The following CACNA2D2 variants were observed in gnomAD, a reference collection of about 807,000 sequenced individuals.
CACNA2D2 encodes the protein voltage-dependent calcium channel subunit alpha-2/delta-2.
CACNA2D2 carries 48 observed loss-of-function variants against 166.4 expected under a neutral mutation model. That is an observed-to-expected ratio of 0.29 (90% CI 0.23 to 0.37). The LOEUF is 0.37. Among genes scored for constraint, CACNA2D2 ranks in the 10% least tolerant of loss-of-function variants. CACNA2D2 has a pLI of 1.00. For synonymous variants in CACNA2D2, 561 were observed against 573.7 expected (o/e 0.98, Z 0.32); for missense variants, 1,122 against 1,433.0 (o/e 0.78, Z 3.50).
chr3:50,394,541 C>T (rs1254693468), intron 3 of CACNA2D2, among the ~76,000 whole-genome samples: 3 of 152,252 alleles, frequency 2.0e-5, no homozygotes, highest in Admixed American at 6.5e-5. Flanking sequence ...TTACAAAGTG[C>T]TTCACCTTGC....
In CACNA2D2 at chr3:50,380,055, T is replaced by C. The variant is rs760750473; in HGVS notation, c.843-37A>G. 1.9e-6 allele frequency: 3 copies of C among 1,602,770 alleles called. No homozygotes were observed. The highest frequency in any genetic ancestry group is 2.6e-6 in the Non-Finnish European group (3 of 1,169,792). On this transcript the variant is annotated intron_variant, in intron 8 of 37. Transcript: ENST00000424201. This position sits in a 1 kb window ranked among gnomAD's most constrained non-coding sequence, Gnocchi z 4.9. The stretch of plus-strand genomic sequence containing the variant: ...ATGCCTCTGTTAGGGTAAGGCCCAC[T>C]GGGACCTTGTGGGTCCTTCCTTCCT...
In CACNA2D2 at chr3:50,364,525, A is replaced by C; in HGVS notation, c.*141T>G. The C allele has an allele frequency of 9.4e-7, 1 of 1,063,356 alleles. No homozygotes were observed. The highest frequency in any genetic ancestry group is 1.3e-6 in the Non-Finnish European group (1 of 762,138). 65.9% of individuals were successfully genotyped at this position (1,063,356 alleles called of 1,614,324 possible). On this transcript the variant is annotated 3_prime_UTR_variant, in exon 38 of 38. Transcript: ENST00000424201. The stretch of plus-strand genomic sequence containing the variant: ...TGGGACTCCCCATCCCAAGGCGCAG[A>C]CCAGACTCTCAGGGCCTGGCCAGCT...
intron 1 of CACNA2D2, among the ~76,000 whole-genome samples, chr3:50,480,178 C>T (rs1697985519): frequency 6.6e-6 from 1 of 152,184 alleles, no homozygotes; most frequent in Non-Finnish European, 1.5e-5. Context: ...CTTGTCCTGA[C>T]TCCATCTATT....
At chr3:50,475,226 G>C (rs1710257726) in intron 2 of CACNA2D2, among the ~76,000 whole-genome samples, 1 of 152,090 alleles carries the variant, frequency 6.6e-6, no homozygotes, top group South Asian at 2.1e-4. Context: ...TGACCAACAG[G>C]GACAACAGGA....
In CACNA2D2 at chr3:50,468,379, T is replaced by TTG. The variant is rs1559978358; in HGVS notation, c.288+7738_288+7739insCA. 9.0e-3 allele frequency among the ~76,000 whole-genome samples: 618 copies of TTG among 68,900 alleles called. 10 individuals carry two copies. The highest frequency in any genetic ancestry group is 0.028 in the African/African-American group (570 of 20,576). 45.2% of individuals were successfully genotyped at this position (68,900 alleles called of 152,430 possible). A position where few individuals can be genotyped will look rare whatever the true frequency, so the allele number is the denominator to read the frequency against. On this transcript the variant is annotated intron_variant, in intron 2 of 37. Coordinates refer to ENST00000424201, the MANE Select transcript of CACNA2D2 (RefSeq NM_006030.4). ...AAGAGAACCAGCAAGTTCATCAGAA[T>TTG]AGTGTGTGTGTGTGTGTGTGTGTGT...
Position 50,474,100 on chromosome 3 carries a change from C to T in CACNA2D2, c.288+2018G>A, listed in dbSNP as rs1379677733. On this transcript the variant is annotated intron_variant, in intron 2 of 37. Coordinates refer to ENST00000424201, the MANE Select transcript of CACNA2D2 (RefSeq NM_006030.4). ...AAGTGGAGCCACAGCCGGAGCTGCA[C>T]GTTGGAACAGGAGTCAGGAGCCCTG... is the stretch of plus-strand genomic sequence containing the variant. 5.9e-5 allele frequency among the ~76,000 whole-genome samples: 9 copies of T among 152,316 alleles called. 1 individual carries two copies. The highest frequency in any genetic ancestry group is 3.3e-4 in the Admixed American group (5 of 15,298).
chr3:50,450,152 A>G (rs1709030653), intron 2 of CACNA2D2, among the ~76,000 whole-genome samples: 1 of 152,216 alleles, frequency 6.6e-6, no homozygotes, highest in Non-Finnish European at 1.5e-5. Context: ...TTTGCCCCCA[A>G]AATCACTATA....
At chr3:50,373,359 C>T (rs1704762625) in intron 22 of CACNA2D2, among the ~76,000 whole-genome samples, 1 of 150,236 alleles carries the variant, frequency 6.7e-6, no homozygotes, top group Non-Finnish European at 1.5e-5. Context: ...GCCCCAGCCT[C>T]CCTCCCAGTG....
At chr3:50,378,624 G>A (rs906423830) in intron 13 of CACNA2D2, among the ~76,000 whole-genome samples, 1 of 152,228 alleles carries the variant, frequency 6.6e-6, no homozygotes, top group Non-Finnish European at 1.5e-5. Context: ...AAGTCCACCC[G>A]GCAGCCAGGC....
chr3:50,468,485 T>C (rs2107049163), intron 2 of CACNA2D2, among the ~76,000 whole-genome samples: 1 of 143,896 alleles, frequency 6.9e-6, no homozygotes, highest in East Asian at 2.3e-4. Context: ...ATCCCCAAGA[T>C]GGAAGGATTG....
intron 3 of CACNA2D2, among the ~76,000 whole-genome samples, chr3:50,396,074 T>C (rs974543097): frequency 6.6e-6 from 1 of 152,106 alleles, no homozygotes; most frequent in African/African-American, 2.4e-5. Flanking sequence ...CCTAGGGTTT[T>C]GGGGGCCCCA....
intron 22 of CACNA2D2, 57 bp from the exon 23 acceptor site, chr3:50,370,437 GCTCAGAGCTGACGGGGCTGGAAGGAC>G: frequency 1.8e-6 from 1 of 540,558 alleles, no homozygotes; most frequent in South Asian, 1.6e-5. Flanking sequence ...AGGCCGGGGG[GCTCAGAGCTGACGGGGCTGGAAGGAC>G]AGGGGAGAGG....
At chr3:50,413,128 G>C (rs1707103007) in intron 3 of CACNA2D2, among the ~76,000 whole-genome samples, 1 of 152,152 alleles carries the variant, frequency 6.6e-6, no homozygotes, top group African/African-American at 2.4e-5. Flanking sequence ...AGCTGCTGCT[G>C]CCGCTGCCAC....
intron 3 of CACNA2D2, among the ~76,000 whole-genome samples, chr3:50,408,901 C>T (rs1033350287): frequency 6.6e-6 from 1 of 152,230 alleles, no homozygotes; most frequent in Admixed American, 6.5e-5. Context: ...ATATTTGGGG[C>T]ATCGTTGCCG....
At chr3:50,495,734 C>T (rs1698697883) in intron 1 of CACNA2D2, among the ~76,000 whole-genome samples, 1 of 152,146 alleles carries the variant, frequency 6.6e-6, no homozygotes, top group African/African-American at 2.4e-5. Flanking sequence ...ATGAGAAGCA[C>T]CCACTCTGAA....
At chr3:50,437,502 TC>T (rs1708404631) in intron 2 of CACNA2D2, among the ~76,000 whole-genome samples, 1 of 151,998 alleles carries the variant, frequency 6.6e-6, no homozygotes, top group East Asian at 1.9e-4. Context: ...GGTGCAACAG[TC>T]CTCGAATGAT....
intron 3 of CACNA2D2, among the ~76,000 whole-genome samples, chr3:50,408,627 T>A (rs1472504577): frequency 6.6e-6 from 1 of 152,236 alleles, no homozygotes; most frequent in African/African-American, 2.4e-5. Flanking sequence ...GCTGGAGCCG[T>A]GGTGACAACA....
intron 6 of CACNA2D2, among the ~76,000 whole-genome samples, chr3:50,383,648 T>G (rs1705441809): frequency 6.6e-6 from 1 of 152,096 alleles, no homozygotes; most frequent in Non-Finnish European, 1.5e-5. Flanking sequence ...CCCCCTTCCT[T>G]ATATCCCCAG....
rs1043870824 is a variant in CACNA2D2 at position 50,376,640 on chromosome 3, G to A, written c.1627-452C>T. On this transcript the variant is annotated intron_variant, in intron 17 of 37. Coordinates refer to ENST00000424201, the MANE Select transcript of CACNA2D2 (RefSeq NM_006030.4). The surrounding 1 kb of genome is among the most constrained non-coding windows in gnomAD (Gnocchi z 4.3). ...ATCCTACCTGGGGCTTCCCTTCCAG[G>A]TGGAAGGGAAGTAGGAGTAAGTGGG... is the stretch of plus-strand genomic sequence containing the variant. 6.6e-6 allele frequency among the ~76,000 whole-genome samples: 1 copy of A among 152,136 alleles called. No homozygotes were observed. The highest frequency in any genetic ancestry group is 2.4e-5 in the African/African-American group (1 of 41,436).
Sources: gnomAD v4.1 joint callset for allele counts (sites outside exome capture counted in the v4.1 genomes callset) on GRCh38, gnomAD v4.1.1 for gene constraint, Gnocchi (gnomAD v3.1) non-coding constraint, MANE v1.5 for transcripts, NCBI Gene and HGNC (gene_info 2026-07-23, HGNC 2026-07-21) for gene names.